The following ACTR3C variants were observed in gnomAD, a reference collection of about 807,000 sequenced individuals.
ACTR3C encodes actin related protein 3C.
A neutral mutation model predicts 26.3 loss-of-function variants in ACTR3C; 18 were observed. The ratio of observed to expected loss-of-function variants is 0.68; its 90% CI spans 0.47 to 1.01. ACTR3C has a LOEUF of 1.01. Among genes scored for constraint, ACTR3C ranks in the 50% least tolerant of loss-of-function variants. ACTR3C has a pLI of 0.00. For synonymous variants in ACTR3C, 55 were observed against 94.5 expected (o/e 0.58, Z 2.42); for missense variants, 184 against 250.7 (o/e 0.73, Z 1.80).
chr7:150,223,482 G>T, the ACTR3C span, among the ~76,000 whole-genome samples: 9 of 98,134 alleles, frequency 9.2e-5, no homozygotes, highest in South Asian at 8.9e-4. Flanking sequence ...GGGTTTTTTT[G>T]TTTGTTTGTT....
chr7:150,053,147 T>C, the ACTR3C span, among the ~76,000 whole-genome samples: 2 of 148,566 alleles, frequency 1.3e-5, no homozygotes, highest in African/African-American at 4.9e-5. Flanking sequence ...GGCTCTTAGG[T>C]TTTTGGAGCA....
At chr7:150,043,498 C>T in the ACTR3C span, among the ~76,000 whole-genome samples, 1 of 152,226 alleles carries the variant, frequency 6.6e-6, no homozygotes, top group Admixed American at 6.5e-5. Flanking sequence ...ACAGGGTGGC[C>T]ATCCTTTAGA....
At position 150,286,548 on chromosome 7, in the gene ACTR3C, C is replaced by T. The variant is rs2129612476; in HGVS notation, c.298-8G>A. The T allele has an allele frequency of 1.2e-6, 2 of 1,607,520 alleles. No individual in the cohort carries two copies. Among genetic ancestry groups the T allele is most frequent in the Non-Finnish European group, 1.7e-6 (2 of 1,178,214 alleles). ...AATGTAACAGTATTTCTCCTGCATACACACACAAAGATGTTGCCAGGCATT... is the reference window on the plus strand; with the variant it reads ...AATGTAACAGTATTTCTCCTGCATATACACACAAAGATGTTGCCAGGCATT... On this transcript the variant is annotated splice_polypyrimidine_tract_variant and splice_region_variant and intron_variant, in intron 4 of 7. Coordinates refer to ENST00000683684, the MANE Select transcript of ACTR3C (RefSeq NM_001164458.2).
chr7:150,069,264 T>G, the ACTR3C span, among the ~76,000 whole-genome samples: 1 of 152,176 alleles, frequency 6.6e-6, no homozygotes, highest in East Asian at 1.9e-4. Flanking sequence ...ATAAAAATAA[T>G]TATGACCTTT....
chr7:150,226,718 G>A, the ACTR3C span, among the ~76,000 whole-genome samples: 7 of 152,128 alleles, frequency 4.6e-5, no homozygotes, highest in African/African-American at 7.2e-5. Flanking sequence ...GATTACAGGC[G>A]TGAACCACCA....
At chr7:149,932,431 A>G in the ACTR3C span, among the ~76,000 whole-genome samples, 3 of 152,182 alleles carry the variant, frequency 2.0e-5, no homozygotes, top group Non-Finnish European at 4.4e-5. Flanking sequence ...CTCTGAAAAT[A>G]CTAAAAACCA....
the ACTR3C span, among the ~76,000 whole-genome samples, chr7:150,121,044 C>T: frequency 3.3e-5 from 5 of 152,208 alleles, no homozygotes; most frequent in African/African-American, 9.6e-5. Flanking sequence ...CCCCCTCATG[C>T]TAAAAACACT....
chr7:150,177,590 T>G, the ACTR3C span, among the ~76,000 whole-genome samples: 14 of 150,928 alleles, frequency 9.3e-5, no homozygotes, highest in African/African-American at 3.2e-4. Flanking sequence ...ATGTGATATC[T>G]CTGTTAATTA....
intron 6 of ACTR3C, among the ~76,000 whole-genome samples, chr7:150,254,026 A>G (rs553973997): frequency 5.5e-4 from 84 of 152,162 alleles, no homozygotes; most frequent in African/African-American, 1.7e-3. Context: ...ACCTTTGACT[A>G]TTCCCTAATG....
At chr7:150,122,947 T>C in the ACTR3C span, among the ~76,000 whole-genome samples, 7 of 150,396 alleles carry the variant, frequency 4.7e-5, no homozygotes, top group African/African-American at 1.5e-4. Flanking sequence ...GGGACATGGA[T>C]GAAGCTGGAA....
chr7:149,992,432 G>T, the ACTR3C span, among the ~76,000 whole-genome samples: 1 of 152,204 alleles, frequency 6.6e-6, no homozygotes, highest in Non-Finnish European at 1.5e-5. Flanking sequence ...TATCATACAT[G>T]TCCAATTTTC....
At chr7:150,025,646 G>A in the ACTR3C span, among the ~76,000 whole-genome samples, 6 of 152,204 alleles carry the variant, frequency 3.9e-5, no homozygotes, top group African/African-American at 1.4e-4. Context: ...GTTTTTAGCG[G>A]AGGAAAATGA....
the ACTR3C span, among the ~76,000 whole-genome samples, chr7:149,962,451 G>A: frequency 0.018 from 2,666 of 152,200 alleles, 72 homozygotes; most frequent in African/African-American, 0.06. Context: ...CCCAGGATGT[G>A]TGCTGGGACG....
At chr7:149,936,859 G>T in the ACTR3C span, among the ~76,000 whole-genome samples, 1 of 151,640 alleles carries the variant, frequency 6.6e-6, no homozygotes, top group East Asian at 2.0e-4. Flanking sequence ...TATGATCAGG[G>T]CTCACTGCCG....
chr7:149,971,718 G>A, the ACTR3C span, among the ~76,000 whole-genome samples: 1 of 152,192 alleles, frequency 6.6e-6, no homozygotes, highest in Admixed American at 6.5e-5. Context: ...CCACACAGTG[G>A]AGTGTCATGT....
the ACTR3C span, among the ~76,000 whole-genome samples, chr7:149,921,159 T>C: frequency 6.6e-6 from 1 of 152,220 alleles, no homozygotes; most frequent in Admixed American, 6.5e-5. Context: ...ATATGATCTT[T>C]CATTATATTC....
At chr7:149,995,453 AT>A in the ACTR3C span, among the ~76,000 whole-genome samples, 2 of 149,904 alleles carry the variant, frequency 1.3e-5, no homozygotes, top group African/African-American at 4.9e-5. Context: ...GAAATCACAG[AT>A]ATTTACTGAG....
the ACTR3C span, among the ~76,000 whole-genome samples, chr7:150,181,197 A>G: frequency 6.6e-6 from 1 of 150,640 alleles, no homozygotes; most frequent in South Asian, 2.1e-4. Flanking sequence ...CCTAGCAAAT[A>G]TATCCAGCAG....
chr7:149,889,438 T>C, the ACTR3C span, among the ~76,000 whole-genome samples: 3 of 152,168 alleles, frequency 2.0e-5, no homozygotes, highest in Admixed American at 6.5e-5. Context: ...CACTGACAAA[T>C]TAATCTAAAA....
Sources: allele counts gnomAD v4.1 joint callset (sites outside exome capture counted in the v4.1 genomes callset), GRCh38; gene constraint gnomAD v4.1.1; transcripts MANE v1.5; gene names NCBI Gene and HGNC (gene_info 2026-07-23, HGNC 2026-07-21).